TRPV1: variants seen among roughly 807,000 people sequenced by gnomAD.
TRPV1 encodes the protein OTRPC1.
Under a neutral mutation model 82.3 loss-of-function variants are expected in TRPV1, and 82 were observed. The observed-to-expected ratio is 1.00, with a 90% confidence interval of 0.83 to 1.20. TRPV1 has a LOEUF of 1.20. Among genes scored for constraint, TRPV1 ranks in the 50% most tolerant of loss-of-function variants. The pLI is 0.00. For missense variants in TRPV1, 1,067 were observed against 1,096.8 expected (o/e 0.97, Z 0.38); for synonymous variants, 515 against 467.7 (o/e 1.10, Z -1.30).
At position 3,568,860 on chromosome 17, in the gene TRPV1, G is replaced by A. The variant is rs568677204; in HGVS notation, c.2348-1873C>T. Among the ~76,000 whole-genome samples the A allele has an allele frequency of 5.3e-5, 8 of 152,154 alleles. No homozygotes were observed. The South Asian group carries it at 6.2e-4, about 12-fold the overall frequency. ...AGTTCGAGACCAGCCTGGCCAACAC[G>A]GTGAAGCCCTGTCTCTACTAAAAAT... On this transcript the variant is annotated intron_variant, in intron 16 of 16. Coordinates refer to ENST00000572705, the MANE Select transcript of TRPV1 (RefSeq NM_080704.4).
chr17:3,608,015 G>C (rs2075308967), intron 2 of TRPV1, among the ~76,000 whole-genome samples: 1 of 151,976 alleles, frequency 6.6e-6, no homozygotes, highest in Non-Finnish European at 1.5e-5. Flanking sequence ...AGGAGTTCGA[G>C]ACCAGCCTGG....
In TRPV1 at chr17:3,585,809, T is replaced by A; in HGVS notation, c.1342A>T (p.Ile448Phe). 1 of 1,613,658 alleles carries A rather than the reference T, an allele frequency of 6.2e-7. No individual in the cohort carries two copies. Among genetic ancestry groups the A allele is most frequent in the Non-Finnish European group, 8.5e-7 (1 of 1,179,774 alleles). Residue 448 changes from isoleucine to phenylalanine, a missense_variant, in exon 9 of 17, where the codon ATC (isoleucine) becomes TTC (phenylalanine). Ile to Phe is a conservative substitution (Grantham distance 21). Transcript: ENST00000572705. The part of the protein sequence containing the change: ...NFLVYCLYMI[I>F]FTMAAYYRPV... Reference sequence around the variant, plus strand: ...CTGTAGTAGGCAGCCATGGTGAAGATGATCATGTACAGGCAGTAGACCAGG... The same window carrying A: ...CTGTAGTAGGCAGCCATGGTGAAGAAGATCATGTACAGGCAGTAGACCAGG...
In TRPV1 at chr17:3,585,800, T is replaced by C. The variant is rs776137066; in HGVS notation, c.1351A>G (p.Met451Val). ...VYCLYMIIFT[M>V]AAYYRPVDGL... ...TCCACGGGCCTGTAGTAGGCAGCCATGGTGAAGATGATCATGTACAGGCAG... is the reference window on the plus strand; with the variant it reads ...TCCACGGGCCTGTAGTAGGCAGCCACGGTGAAGATGATCATGTACAGGCAG... Residue 451 changes from methionine to valine, a missense_variant, in exon 9 of 17, where the codon ATG (methionine) becomes GTG (valine). Transcript: ENST00000572705. 8.1e-6 allele frequency: 13 copies of C among 1,613,272 alleles called. No homozygotes were observed. In the South Asian group the frequency reaches 9.9e-5, roughly 12 times the overall value.
chr17:3,569,897 GGGTTAGGGGCCAGGGGCCAAGT>G (rs2074824439), intron 16 of TRPV1, among the ~76,000 whole-genome samples: 6 of 151,228 alleles, frequency 4.0e-5, no homozygotes, highest in East Asian at 2.0e-4. Flanking sequence ...AGGGGCCAAG[GGGTTAGGGGCCAGGGGCCAAGT>G]GGTCAGGGAG....
rs150339867 is a variant in TRPV1 at position 3,598,372 on chromosome 17, G to A, written c.-33-5989C>T. Among the ~76,000 whole-genome samples the A allele has an allele frequency of 4.7e-3, 723 of 152,240 alleles. 1 individual carries two copies. The highest frequency in any genetic ancestry group is 5.3e-3 in the Non-Finnish European group (362 of 68,024). On this transcript the variant is annotated intron_variant, in intron 2 of 16. Transcript: ENST00000572705. ...AAAGAGCTTTCCCAAACCCGCTCTC[G>A]CAGGCCGTACAGCAACCCCGGGCAG...
At chr17:3,568,200 T>C (rs1255668087) in intron 16 of TRPV1, among the ~76,000 whole-genome samples, 2 of 151,330 alleles carry the variant, frequency 1.3e-5, no homozygotes, top group Non-Finnish European at 3.0e-5. Context: ...CGGGCGCCTG[T>C]AGTCCCAGCT....
chr17:3,586,019 C>G, intron 8 of TRPV1, 93 bp from the exon 9 acceptor site: 1 of 1,487,660 alleles, frequency 6.7e-7, no homozygotes, highest in South Asian at 1.2e-5. Context: ...AGCCATGTGG[C>G]CCGCACAGTC....
chr17:3,583,439 T>C lies in TRPV1; in HGVS notation c.1384-9A>G. 1 of 1,586,982 alleles carries C rather than the reference T, an allele frequency of 6.3e-7. No homozygotes were observed. The highest frequency in any genetic ancestry group is 8.6e-7 in the Non-Finnish European group (1 of 1,164,254). On this transcript the variant is annotated splice_polypyrimidine_tract_variant and intron_variant, in intron 9 of 16. Coordinates refer to ENST00000572705, the MANE Select transcript of TRPV1 (RefSeq NM_080704.4). ...TCCATCTTAAAGGGAGGCTGTGAGA[T>C]GCAGAGAAGTTGGTAACTCCATTTA... is the stretch of plus-strand genomic sequence containing the variant.
intron 2 of TRPV1, among the ~76,000 whole-genome samples, chr17:3,594,324 C>CT (rs79268135): frequency 0.013 from 1,847 of 137,402 alleles, 29 homozygotes; most frequent in South Asian, 0.041. Context: ...CCTGCATTTT[C>CT]TTTTTTTTTT....
intron 2 of TRPV1, among the ~76,000 whole-genome samples, chr17:3,598,916 T>A (rs546964902): frequency 6.6e-6 from 1 of 151,494 alleles, no homozygotes; most frequent in South Asian, 2.1e-4. Flanking sequence ...TCAATTAATA[T>A]GAACGTTAGA....
intron 9 of TRPV1, among the ~76,000 whole-genome samples, chr17:3,584,732 G>A (rs1159883249): frequency 6.6e-6 from 1 of 151,694 alleles, no homozygotes; most frequent in African/African-American, 2.4e-5. Context: ...GGAGGTGGAG[G>A]TTGCAGTGAG....
intron 14 of TRPV1, 21 bp downstream of exon 14, chr17:3,573,612 C>A: frequency 1.9e-6 from 3 of 1,600,776 alleles, no homozygotes; most frequent in Non-Finnish European, 2.6e-6. Context: ...CACTCACCAC[C>A]CCCCAACTCC....
rs1270346159 is a variant in TRPV1, at chr17:3,573,935, C to T, written c.1801G>A (p.Asp601Asn). 8.1e-6 allele frequency: 13 copies of T among 1,604,460 alleles called. No individual in the cohort carries two copies. Among genetic ancestry groups the T allele is most frequent in the South Asian group, 1.1e-5 (1 of 89,876 alleles). Residue 601 changes from aspartate to asparagine, a missense_variant, in exon 14 of 17, where the codon GAC (aspartate) becomes AAC (asparagine). Asp to Asn is a conservative substitution (Grantham distance 23). Coordinates refer to ENST00000572705, the MANE Select transcript of TRPV1 (RefSeq NM_080704.4). ...GACGGCAGGGAGTCATTCTTCCCGTCTTCAATCAGCGTCACCACCGCTACA... is the reference window on the plus strand; with the variant it reads ...GACGGCAGGGAGTCATTCTTCCCGTTTTCAATCAGCGTCACCACCGCTACA... ...FSTAVVTLIE[D>N]GKNDSLPSES...
chr17:3,591,415 G>A, intron 3 of TRPV1, 62 bp from the exon 4 acceptor site: 2 of 1,510,890 alleles, frequency 1.3e-6, no homozygotes, highest in Non-Finnish European at 1.8e-6. Context: ...GAGGCCTTCG[G>A]AGCTTGTCAA....
rs770608609 is a variant in TRPV1 at position 3,589,852 on chromosome 17, C to T, written c.999G>A (p.Lys333=). Residue 333 remains lysine (K), a synonymous_variant, in exon 7 of 17, where the codon AAG becomes AAA. Transcript: ENST00000572705. Reference sequence around the variant, plus strand: ...CTGCCAGAGCCAGCGGCGTCATTCCCTTCTTGTTGGTGAGCTCCTCCAGCT... The same window carrying T: ...CTGCCAGAGCCAGCGGCGTCATTCCTTTCTTGTTGGTGAGCTCCTCCAGCT... ...TLKLEELTNK[K]GMTPLALAAG... 6.2e-7 allele frequency: 1 copy of T among 1,613,824 alleles called. No homozygotes were observed. The highest frequency in any genetic ancestry group is 1.7e-5 in the Admixed American group (1 of 59,998).
intron 3 of TRPV1, 42 bp from the exon 4 acceptor site, chr17:3,591,395 C>T (rs1353344257): frequency 1.3e-6 from 2 of 1,527,692 alleles, no homozygotes; most frequent in Non-Finnish European, 8.8e-7. Context: ...CCTGGCCTCC[C>T]CTCGGCCCTG....
chr17:3,600,016 G>C (rs2075249679), intron 2 of TRPV1, among the ~76,000 whole-genome samples: 1 of 152,172 alleles, frequency 6.6e-6, no homozygotes, highest in South Asian at 2.1e-4. Context: ...CACTTGGCTT[G>C]CTTCCACCTT....
intron 5 of TRPV1, among the ~76,000 whole-genome samples, chr17:3,590,631 A>G (rs1171708355): frequency 1.3e-5 from 2 of 152,204 alleles, no homozygotes; most frequent in African/African-American, 4.8e-5. Flanking sequence ...AGAGGAGTCA[A>G]AATTGCCCCG....
In TRPV1 at chr17:3,591,628, G is replaced by A. The variant is rs111622455; in HGVS notation, c.285-275C>T. Reference sequence around the variant, plus strand: ...AGACCACTGGCTTCTCTGCCTGCTCGGGAGCTCGGGAGGCAGGAGCCTGGT... The same window carrying A: ...AGACCACTGGCTTCTCTGCCTGCTCAGGAGCTCGGGAGGCAGGAGCCTGGT... On this transcript the variant is annotated intron_variant, in intron 3 of 16. Transcript: ENST00000572705. Among the ~76,000 whole-genome samples, 8 of 152,116 alleles carry A rather than the reference G, an allele frequency of 5.3e-5. 1 individual carries two copies. The highest frequency in any genetic ancestry group is 5.2e-4 in the Admixed American group (8 of 15,284).
Sources: gnomAD v4.1 joint callset for allele counts (sites outside exome capture counted in the v4.1 genomes callset) on GRCh38, gnomAD v4.1.1 for gene constraint, MANE v1.5 for transcripts, NCBI Gene and HGNC (gene_info 2026-07-23, HGNC 2026-07-21) for gene names.